The following GNPTAB variants were observed in gnomAD, a reference collection of about 807,000 sequenced individuals.
The protein encoded by GNPTAB is N-acetylglucosamine-1-phosphate transferase subunits alpha and beta.
Under a neutral mutation model 136.6 loss-of-function variants are expected in GNPTAB, and 92 were observed. The observed-to-expected ratio is 0.67, with a 90% CI of 0.57 to 0.80. The LOEUF is 0.80. GNPTAB is among the 30% of genes least tolerant of loss of function. The pLI is 0.00. For missense variants in GNPTAB, 1,343 were observed against 1,501.8 expected (o/e 0.89, Z 1.75); for synonymous variants, 512 against 535.1 (o/e 0.96, Z 0.60).
At chr12:101,787,095 C>T (rs1156315044) in intron 4 of GNPTAB, among the ~76,000 whole-genome samples, 1 of 152,166 alleles carries the variant, frequency 6.6e-6, no homozygotes, top group Non-Finnish European at 1.5e-5. Flanking sequence ...CATACATAAG[C>T]TTCGTCCTCA....
At position 101,786,071 on chromosome 12, in the gene GNPTAB, G is replaced by C. The variant is rs746860631; in HGVS notation, c.512C>G (p.Ala171Gly). ...ATTGGTAGAAGGGTTTTTTGGTTTT[G>C]CAACATTGAAAATGTCACTGGCAGA... is the stretch of plus-strand genomic sequence containing the variant. ...FHSASDIFNVAKPKNPSTNVS... is the reference protein window; with the variant it reads ...FHSASDIFNVGKPKNPSTNVS... The change falls in exon 5 of 21, where the codon GCA (alanine) becomes GGA (glycine). Residue 171 changes from alanine (A) to glycine (G), a missense_variant. Ala to Gly is a moderately conservative substitution (Grantham distance 60). Transcript: ENST00000299314. 6.2e-7 allele frequency: 1 copy of C among 1,613,726 alleles called. No individual in the cohort carries two copies. The highest frequency in any genetic ancestry group is 1.3e-5 in the African/African-American group (1 of 74,870).
Position 101,753,554 on chromosome 12 carries a change from A to C in GNPTAB, c.3435-15T>G. The C allele has an allele frequency of 6.2e-7, 1 of 1,607,244 alleles. No individual in the cohort carries two copies. The highest frequency in any genetic ancestry group is 2.2e-5 in the East Asian group (1 of 44,824). ...AAACAAACTTCCTGAAATAACAGAG[A>C]GCCAGGGTTATTAGTTACATATGGA... On this transcript the variant is annotated splice_polypyrimidine_tract_variant and intron_variant, in intron 18 of 20. Transcript: ENST00000299314.
At chr12:101,789,917 G>C in intron 3 of GNPTAB, 21 bp downstream of exon 3, 1 of 1,520,736 alleles carries the variant, frequency 6.6e-7, no homozygotes, top group Middle Eastern at 1.7e-4. Context: ...CATCTGATGT[G>C]AAAAAAAAAA....
At position 101,824,431 on chromosome 12, in the gene GNPTAB, TA is replaced by T. The variant is rs1172477364; in HGVS notation, c.117+6127del. Among the ~76,000 whole-genome samples the T allele has an allele frequency of 7.3e-3, 726 of 99,236 alleles. 18 individuals carry two copies. The highest frequency in any genetic ancestry group is 0.024 in the African/African-American group (629 of 25,760). The allele number at this position is 99,236 out of a possible 152,430, so 65.1% of individuals were successfully genotyped here. ...ATATATATATATATATATATATATA[TA>T]TTTTCTTTTTTTTTTTTTTTTTTTT... On this transcript the variant is annotated intron_variant, in intron 1 of 20. Coordinates refer to ENST00000299314, the MANE Select transcript of GNPTAB (RefSeq NM_024312.5).
intron 5 of GNPTAB, among the ~76,000 whole-genome samples, chr12:101,782,189 T>C (rs974440072): frequency 7.4e-4 from 112 of 151,892 alleles, no homozygotes; most frequent in Admixed American, 7.3e-3. Context: ...TTTGGAGCAA[T>C]GAGTCAAATC....
chr12:101,761,021 C>T, intron 15 of GNPTAB, 106 bp downstream of exon 15: 3 of 830,424 alleles, frequency 3.6e-6, no homozygotes, highest in East Asian at 2.7e-5. Flanking sequence ...GCTCAGCTGC[C>T]TCAGCATCCC....
intron 14 of GNPTAB, 62 bp downstream of exon 14, chr12:101,761,502 C>A: frequency 6.7e-7 from 1 of 1,493,002 alleles, no homozygotes; most frequent in South Asian, 1.1e-5. Flanking sequence ...GGTAAATATG[C>A]ACATTTCAAG....
intron 1 of GNPTAB, among the ~76,000 whole-genome samples, chr12:101,811,638 CT>C (rs34690912): frequency 0.024 from 3,240 of 134,712 alleles, 60 homozygotes; most frequent in East Asian, 0.061. Flanking sequence ...GTGCTACACA[CT>C]TTTTTTTTTT....
intron 20 of GNPTAB, among the ~76,000 whole-genome samples, chr12:101,747,746 C>T (rs1361518992): frequency 1.0e-5 from 1 of 96,882 alleles, no homozygotes; most frequent in Non-Finnish European, 2.1e-5. Flanking sequence ...GAAGAGGCAG[C>T]ATTGGCTGCT....
At chr12:101,760,236 G>A in intron 15 of GNPTAB, 93 bp from the exon 16 acceptor site, 1 of 810,070 alleles carries the variant, frequency 1.2e-6, no homozygotes, top group East Asian at 2.5e-5. Flanking sequence ...TTCCAAAAAT[G>A]GTTTAAATGC....
chr12:101,790,778 A>G (rs1202438138), intron 2 of GNPTAB, among the ~76,000 whole-genome samples: 1 of 151,148 alleles, frequency 6.6e-6, no homozygotes, highest in Non-Finnish European at 1.5e-5. Flanking sequence ...AAAAAAAGTT[A>G]TCAAAACCCA....
intron 1 of GNPTAB, among the ~76,000 whole-genome samples, chr12:101,805,896 A>AT (rs1363749333): frequency 1.3e-5 from 2 of 152,206 alleles, no homozygotes; most frequent in African/African-American, 4.8e-5. Context: ...ATTATTACCG[A>AT]TAAAAACGAA....
At chr12:101,765,803 C>CTTTTTT in intron 12 of GNPTAB, 1 of 411,144 alleles carries the variant, frequency 2.4e-6, no homozygotes, top group Non-Finnish European at 4.6e-6. Flanking sequence ...TATTGATATC[C>CTTTTTT]TTTTTTGTTT....
intron 1 of GNPTAB, among the ~76,000 whole-genome samples, chr12:101,823,708 C>T (rs1191532467): frequency 2.0e-5 from 3 of 151,562 alleles, no homozygotes; most frequent in Non-Finnish European, 4.4e-5. Context: ...AAGAGAAAGA[C>T]CAAATGCAAT....
chr12:101,766,367 G>T, intron 11 of GNPTAB, 73 bp from the exon 12 acceptor site: 1 of 1,315,214 alleles, frequency 7.6e-7, no homozygotes, highest in Non-Finnish European at 1.1e-6. Context: ...ACTGGGTGTG[G>T]TGGCTGACGC....
At chr12:101,779,239 CAAAG>C (rs1953303310) in intron 7 of GNPTAB, 1 of 152,150 alleles carries the variant, frequency 6.6e-6, no homozygotes. Context: ...TGGCAGAACT[CAAAG>C]AACATTTCTT....
intron 1 of GNPTAB, among the ~76,000 whole-genome samples, chr12:101,812,174 G>A (rs1441885498): frequency 1.3e-5 from 2 of 152,022 alleles, no homozygotes; most frequent in Non-Finnish European, 2.9e-5. Context: ...GAACCCAGAA[G>A]GCAGAGAGAG....
At chr12:101,749,968 G>C (rs1360494665) in intron 19 of GNPTAB, among the ~76,000 whole-genome samples, 1 of 152,188 alleles carries the variant, frequency 6.6e-6, no homozygotes, top group Non-Finnish European at 1.5e-5. Flanking sequence ...ACATAATCAG[G>C]GTAAACATGT....
intron 20 of GNPTAB, among the ~76,000 whole-genome samples, chr12:101,748,055 T>A (rs893128559): frequency 2.0e-5 from 3 of 152,204 alleles, no homozygotes; most frequent in African/African-American, 7.2e-5. Flanking sequence ...CTCAAAGGTT[T>A]CTCACTGGAC....
Sources: allele counts gnomAD v4.1 joint callset (sites outside exome capture counted in the v4.1 genomes callset), GRCh38; gene constraint gnomAD v4.1.1; transcripts MANE v1.5; gene names NCBI Gene and HGNC (gene_info 2026-07-23, HGNC 2026-07-21).